The following C8orf34 variants were observed in gnomAD, a reference collection of about 807,000 sequenced individuals.
The protein encoded by C8orf34 is uncharacterized protein C8orf34.
Under a neutral mutation model 68.3 loss-of-function variants are expected in C8orf34, and 65 were observed. That is an observed-to-expected ratio of 0.95 (90% CI 0.78 to 1.17). C8orf34 has a LOEUF of 1.17. Ranked by LOEUF, C8orf34 falls within the 50% of genes most tolerant of loss-of-function variation. The pLI is 0.00. For missense variants in C8orf34, 664 were observed against 655.4 expected, an observed-to-expected ratio of 1.01 and a Z score of -0.14; for synonymous variants, 244 against 241.2, an observed-to-expected ratio of 1.01 and a Z score of -0.11.
At chr8:68,775,050 G>A (rs962042500) in intron 10 of C8orf34, among the ~76,000 whole-genome samples, 16 of 149,140 alleles carry the variant, frequency 1.1e-4, no homozygotes, top group Middle Eastern at 3.2e-3. Context: ...CCTGGGAGGC[G>A]GAAGTTGCAG....
At chr8:68,532,719 C>T (rs1417790795) in intron 6 of C8orf34, among the ~76,000 whole-genome samples, 1 of 152,142 alleles carries the variant, frequency 6.6e-6, no homozygotes, top group Non-Finnish European at 1.5e-5. Context: ...ATCGAGTAGA[C>T]TTTAATTTCC....
chr8:68,690,201 G>GT (rs1390026214), intron 8 of C8orf34, among the ~76,000 whole-genome samples: 15 of 151,244 alleles, frequency 9.9e-5, no homozygotes, highest in South Asian at 4.2e-4. Flanking sequence ...TGTTTTTATA[G>GT]TTTTTTTTTA....
At chr8:68,406,189 A>G (rs769508689) in intron 1 of C8orf34, among the ~76,000 whole-genome samples, 2 of 152,190 alleles carry the variant, frequency 1.3e-5, no homozygotes, top group Non-Finnish European at 2.9e-5. Context: ...GTAGACAGAC[A>G]GTTGATCTGC....
chr8:68,584,674 T>C (rs1037181733), intron 7 of C8orf34, among the ~76,000 whole-genome samples: 2 of 152,114 alleles, frequency 1.3e-5, no homozygotes, highest in Admixed American at 1.3e-4. Context: ...TCCAGAAATC[T>C]GGAAAGAGAA....
chr8:68,369,100 C>A (rs1173401387), intron 1 of C8orf34, among the ~76,000 whole-genome samples: 1 of 152,142 alleles, frequency 6.6e-6, no homozygotes, highest in African/African-American at 2.4e-5. Flanking sequence ...TCTTTTGGTT[C>A]AGATTCAAAA....
At position 68,650,057 on chromosome 8, in the gene C8orf34, G is replaced by GAAA. The variant is rs61398342; in HGVS notation, c.1241+9554_1241+9556dup. Among the ~76,000 whole-genome samples, 1,259 of 149,820 alleles carry GAAA rather than the reference G, an allele frequency of 8.4e-3. 18 individuals carry two copies. Among genetic ancestry groups the GAAA allele is most frequent in the African/African-American group, 0.028 (1,135 of 40,754 alleles). ...TTCAGAGAAGTCACAGTATATTTTAGAAAAAAAAAAGAAATATTAAATTGA... is the reference window on the plus strand; with the variant it reads ...TTCAGAGAAGTCACAGTATATTTTAGAAAAAAAAAAAAAGAAATATTAAATTGA... On this transcript the variant is annotated intron_variant, in intron 8 of 13. Coordinates refer to ENST00000518698, the MANE Select transcript of C8orf34 (RefSeq NM_052958.4).
chr8:68,446,069 T>G (rs1003893846), intron 2 of C8orf34, among the ~76,000 whole-genome samples: 2 of 152,212 alleles, frequency 1.3e-5, no homozygotes, highest in East Asian at 1.9e-4. Flanking sequence ...ATTACAGGCA[T>G]GAACCACTGC....
chr8:68,812,849 A>T (rs1435761216), intron 12 of C8orf34, among the ~76,000 whole-genome samples: 3 of 152,204 alleles, frequency 2.0e-5, no homozygotes, highest in African/African-American at 7.2e-5. Flanking sequence ...CAGGGAGGTC[A>T]TAACCTCTAG....
chr8:68,640,911 C>G (rs1167511385), intron 8 of C8orf34, among the ~76,000 whole-genome samples: 1 of 152,152 alleles, frequency 6.6e-6, no homozygotes, highest in Non-Finnish European at 1.5e-5. Context: ...CTTAACCTGC[C>G]CCTTATCCTG....
chr8:68,552,655 T>C (rs983772383), intron 7 of C8orf34, among the ~76,000 whole-genome samples: 3 of 152,120 alleles, frequency 2.0e-5, no homozygotes, highest in African/African-American at 7.2e-5. Flanking sequence ...TACTGTAATT[T>C]AGGGGGAAGC....
intron 4 of C8orf34, among the ~76,000 whole-genome samples, chr8:68,484,776 AT>A (rs1046145361): frequency 6.2e-5 from 9 of 145,410 alleles, no homozygotes; most frequent in African/African-American, 2.3e-4. Context: ...TTTAATCTGT[AT>A]AAGCTTTGAT....
Position 68,517,551 on chromosome 8 carries a change from G to A in C8orf34, c.766-4248G>A, listed in dbSNP as rs546008567. ...ATTTCTCACTAAATTTCTACACCAG[G>A]TGGAGTTAAACATCCTGAATATCAC... On this transcript the variant is annotated intron_variant, in intron 5 of 13. Transcript: ENST00000518698. 3.9e-4 allele frequency among the ~76,000 whole-genome samples: 59 copies of A among 152,262 alleles called. 1 individual carries two copies. Among genetic ancestry groups the A allele is most frequent in the African/African-American group, 1.3e-3 (55 of 41,552 alleles).
chr8:68,430,045 TG>T (rs1302184425), intron 1 of C8orf34, among the ~76,000 whole-genome samples: 2 of 152,030 alleles, frequency 1.3e-5, no homozygotes, highest in Non-Finnish European at 2.9e-5. Flanking sequence ...GACCAAACCT[TG>T]ATTAGAAGCT....
At chr8:68,706,609 A>T (rs7005339) in intron 8 of C8orf34, among the ~76,000 whole-genome samples, 150,397 of 152,320 alleles carry the variant, frequency 0.99, 74,262 homozygotes, top group Middle Eastern at 1. Context: ...ACTTACAGAT[A>T]TCTGCCATGA....
At chr8:68,606,914 A>G (rs1295383036) in intron 7 of C8orf34, among the ~76,000 whole-genome samples, 2 of 152,150 alleles carry the variant, frequency 1.3e-5, no homozygotes, top group Non-Finnish European at 2.9e-5. Flanking sequence ...AGTGAAACTA[A>G]TTTAAGATCT....
intron 7 of C8orf34, among the ~76,000 whole-genome samples, chr8:68,561,042 G>A (rs747725547): frequency 1.2e-4 from 18 of 147,668 alleles, no homozygotes; most frequent in Non-Finnish European, 1.9e-4. Context: ...TGGTGTGATC[G>A]TGTGATCACA....
At chr8:68,598,191 G>A (rs1817600678) in intron 7 of C8orf34, among the ~76,000 whole-genome samples, 1 of 152,086 alleles carries the variant, frequency 6.6e-6, no homozygotes, top group Admixed American at 6.6e-5. Flanking sequence ...AATCCTTGAT[G>A]CATTTCTGCT....
At chr8:68,778,024 A>T (rs894045925) in intron 11 of C8orf34, among the ~76,000 whole-genome samples, 1 of 152,202 alleles carries the variant, frequency 6.6e-6, no homozygotes, top group African/African-American at 2.4e-5. Context: ...AAGCCAACAG[A>T]TGACCATTCT....
chr8:68,751,236 A>C (rs1207770253), intron 10 of C8orf34, among the ~76,000 whole-genome samples: 1 of 152,202 alleles, frequency 6.6e-6, no homozygotes, highest in Non-Finnish European at 1.5e-5. Flanking sequence ...GACAGTTCTT[A>C]GCTCAATATA....
Sources: allele counts gnomAD v4.1 joint callset (sites outside exome capture counted in the v4.1 genomes callset), GRCh38; gene constraint gnomAD v4.1.1; transcripts MANE v1.5; gene names NCBI Gene and HGNC (gene_info 2026-07-23, HGNC 2026-07-21).